The following GPR176 variants were observed in gnomAD, a reference collection of about 807,000 sequenced individuals.
GPR176 encodes G-protein coupled receptor 176.
Under a neutral mutation model 35.4 loss-of-function variants are expected in GPR176, and 26 were observed. The observed-to-expected ratio is 0.74, with a 90% CI of 0.54 to 1.02. The LOEUF (loss-of-function observed/expected upper bound fraction) is 1.02. Ranked by LOEUF, GPR176 falls within the 50% of genes least tolerant of loss-of-function variation. GPR176 has a pLI of 0.00. For missense variants in GPR176, 597 were observed against 665.3 expected, an observed-to-expected ratio of 0.90 and a Z score of 1.13; for synonymous variants, 278 against 271.3, an observed-to-expected ratio of 1.02 and a Z score of -0.24.
At chr15:39,803,440 T>C (rs1899011360) in intron 2 of GPR176, among the ~76,000 whole-genome samples, 1 of 151,884 alleles carries the variant, frequency 6.6e-6, no homozygotes. Context: ...CTACCACGCC[T>C]GGCTAATTTT....
chr15:39,853,131 C>G (rs1214322337), intron 1 of GPR176, among the ~76,000 whole-genome samples: 11 of 152,126 alleles, frequency 7.2e-5, no homozygotes, highest in Non-Finnish European at 1.3e-4. Flanking sequence ...GTCATTGCAG[C>G]ATTGTTCATA....
chr15:39,902,861 A>G (rs2140872127), intron 1 of GPR176, among the ~76,000 whole-genome samples: 1 of 152,368 alleles, frequency 6.6e-6, no homozygotes, highest in East Asian at 1.9e-4. Context: ...CATATTCTAT[A>G]CAAGGCAGAG....
At chr15:39,817,071 A>AAAAAAAAAAAC (rs1166381737) in intron 1 of GPR176, among the ~76,000 whole-genome samples, 1 of 150,600 alleles carries the variant, frequency 6.6e-6, no homozygotes, top group Non-Finnish European at 1.5e-5. Context: ...TCTGTCTCAA[A>AAAAAAAAAAAC]AAAAAAAAAA....
chr15:39,898,372 C>T (rs977442011), intron 1 of GPR176, among the ~76,000 whole-genome samples: 16 of 152,100 alleles, frequency 1.1e-4, no homozygotes, highest in African/African-American at 2.4e-5. Context: ...TACAGATGCA[C>T]CCCAGAGAGG....
chr15:39,883,489 T>G (rs1347044987), intron 1 of GPR176, among the ~76,000 whole-genome samples: 1 of 152,232 alleles, frequency 6.6e-6, no homozygotes, highest in Admixed American at 6.5e-5. Flanking sequence ...ATTACCACCA[T>G]GAAGGAAAGA....
At chr15:39,828,840 A>G (rs1028653138) in intron 1 of GPR176, among the ~76,000 whole-genome samples, 1 of 152,180 alleles carries the variant, frequency 6.6e-6, no homozygotes, top group Non-Finnish European at 1.5e-5. Flanking sequence ...AGTTTACAGT[A>G]CAGCAAAACT....
At position 39,907,962 on chromosome 15, in the gene GPR176, G is replaced by A. The variant is rs574927260; in HGVS notation, c.172+11893C>T. On this transcript the variant is annotated intron_variant, in intron 1 of 2. Coordinates refer to ENST00000561100, the MANE Select transcript of GPR176 (RefSeq NM_007223.3). ...ATCATGCCACTGCACTCCAGCCTAG[G>A]TGAAAGAGTGAGACCCTGTCTCAAA... 4.6e-5 allele frequency among the ~76,000 whole-genome samples: 7 copies of A among 152,266 alleles called. No individual in the cohort carries two copies. The South Asian group carries it at 1.5e-3, about 32-fold the overall frequency.
chr15:39,827,171 C>T (rs1900717951), intron 1 of GPR176, among the ~76,000 whole-genome samples: 1 of 152,154 alleles, frequency 6.6e-6, no homozygotes, highest in African/African-American at 2.4e-5. Context: ...ATAGGAGGAG[C>T]ATGAATATAT....
At chr15:39,886,373 A>C (rs1047383920) in intron 1 of GPR176, among the ~76,000 whole-genome samples, 5 of 152,198 alleles carry the variant, frequency 3.3e-5, no homozygotes, top group African/African-American at 1.2e-4. Context: ...ACCTAGAAGC[A>C]GCACAACCTG....
intron 1 of GPR176, among the ~76,000 whole-genome samples, chr15:39,820,668 T>C (rs113375814): frequency 3.3e-5 from 5 of 152,314 alleles, no homozygotes; most frequent in African/African-American, 1.2e-4. Context: ...TGTAAGGGCT[T>C]TGCAGATGTA....
intron 1 of GPR176, among the ~76,000 whole-genome samples, chr15:39,872,936 T>C: frequency 7.3e-6 from 1 of 136,346 alleles, no homozygotes; most frequent in East Asian, 2.3e-4. Flanking sequence ...TGTGTGTGTG[T>C]GTGTGTGTGT....
intron 1 of GPR176, among the ~76,000 whole-genome samples, chr15:39,844,466 A>G (rs188625824): frequency 3.3e-5 from 5 of 152,208 alleles, no homozygotes; most frequent in African/African-American, 9.6e-5. Context: ...ACAGTGTTCC[A>G]TGGTTCTCAC....
chr15:39,871,793 C>G (rs1325191997), intron 1 of GPR176, among the ~76,000 whole-genome samples: 1 of 152,158 alleles, frequency 6.6e-6, no homozygotes, highest in Non-Finnish European at 1.5e-5. Context: ...TACTTGATTT[C>G]CTAGCAACCA....
At position 39,907,032 on chromosome 15, in the gene GPR176, G is replaced by A. The variant is rs189719071; in HGVS notation, c.172+12823C>T. ...CTGCTACAGAGGAAATAAACAGAGT[G>A]ATGTGATAGAAGTGATTGGGGAAGA... On this transcript the variant is annotated intron_variant, in intron 1 of 2. Coordinates refer to ENST00000561100, the MANE Select transcript of GPR176 (RefSeq NM_007223.3). Among the ~76,000 whole-genome samples the A allele has an allele frequency of 1.6e-3, 242 of 152,302 alleles. 2 individuals are homozygous for A. The highest frequency in any genetic ancestry group is 7.1e-4 in the Non-Finnish European group (48 of 68,024).
chr15:39,870,146 T>A lies in GPR176; in HGVS notation c.172+49709A>T, dbSNP rs80110792. ...GTGTCATTCCAACTTCCTGCCCCCA[T>A]TGTCACATCTCCTCCTTCTGTAGTC... On this transcript the variant is annotated intron_variant, in intron 1 of 2. Coordinates refer to ENST00000561100, the MANE Select transcript of GPR176 (RefSeq NM_007223.3). Among the ~76,000 whole-genome samples, 6 of 152,242 alleles carry A rather than the reference T, an allele frequency of 3.9e-5. No individual in the cohort carries two copies. The South Asian group carries it at 1.2e-3, about 32-fold the overall frequency.
Position 39,801,245 on chromosome 15 carries a change from AG to A in GPR176, c.1434del (p.Leu479TrpfsTer8), listed in dbSNP as rs1566931992. On this transcript the variant is annotated frameshift_variant, in exon 3 of 3. Transcript: ENST00000561100. LOFTEE classifies it high-confidence loss of function. The part of the protein sequence containing the change: ...TRNSKKRLLP[P>X]LGNTPEELIQ... The stretch of plus-strand genomic sequence containing the variant: ...ATCAGCTCTTCTGGGGTGTTGCCCA[AG>A]GGGGGAAGCAGCCGCTTCTTGCTGT... The A allele has an allele frequency of 1.2e-6, 2 of 1,614,114 alleles. No homozygotes were observed.
At chr15:39,835,488 T>C (rs769893607) in intron 1 of GPR176, among the ~76,000 whole-genome samples, 1 of 151,724 alleles carries the variant, frequency 6.6e-6, no homozygotes, top group Non-Finnish European at 1.5e-5. Context: ...ATCCAAGAGA[T>C]AGTCCAGGAC....
At position 39,803,042 on chromosome 15, in the gene GPR176, C is replaced by T. The variant is rs532785282; in HGVS notation, c.426-788G>A. Among the ~76,000 whole-genome samples, 7 of 152,204 alleles carry T rather than the reference C, an allele frequency of 4.6e-5. No homozygotes were observed. In the South Asian group the frequency reaches 1.5e-3, roughly 32 times the overall value. ...CCTAAACAGAATTCCAAAAGCATGC[C>T]GTTTCAATATCACCAGTGATTTGAG... On this transcript the variant is annotated intron_variant, in intron 2 of 2. Coordinates refer to ENST00000561100, the MANE Select transcript of GPR176 (RefSeq NM_007223.3).
At chr15:39,894,504 G>C (rs570518) in intron 1 of GPR176, 69,928 of 173,046 alleles carry the variant, frequency 0.4, 14,869 homozygotes, top group African/African-American at 0.54. Flanking sequence ...ACTTCTCAGA[G>C]GGGGCGGCAG....
Sources: gnomAD v4.1 joint callset for allele counts (sites outside exome capture counted in the v4.1 genomes callset) on GRCh38, gnomAD v4.1.1 for gene constraint, MANE v1.5 for transcripts, NCBI Gene and HGNC (gene_info 2026-07-23, HGNC 2026-07-21) for gene names.